Variants in FARP2 observed in about 807,000 individuals in gnomAD.
FARP2 encodes the protein FERM, ARHGEF and pleckstrin domain-containing protein 2.
In FARP2, 111 loss-of-function variants were observed where a neutral mutation model predicts 130.5. That is an observed-to-expected ratio of 0.85 (90% confidence interval 0.73 to 1.00). The LOEUF (loss-of-function observed/expected upper bound fraction) is 1.00, where lower values mean the gene tolerates loss of function less well. Ranked by LOEUF, FARP2 falls within the 50% of genes least tolerant of loss-of-function variation. FARP2 has a pLI of 0.00. For synonymous variants in FARP2, 504 were observed against 516.9 expected (o/e 0.98, Z 0.34); for missense variants, 1,385 against 1,346.3 (o/e 1.03, Z -0.45).
chr2:241,473,824 A>T (rs2064379571), intron 18 of FARP2, among the ~76,000 whole-genome samples: 1 of 152,218 alleles, frequency 6.6e-6, no homozygotes, highest in Non-Finnish European at 1.5e-5. Flanking sequence ...TAGGGTTGGT[A>T]GCTGCCAAGA....
chr2:241,479,624 T>C (rs2064564688), intron 19 of FARP2, among the ~76,000 whole-genome samples: 1 of 152,254 alleles, frequency 6.6e-6, no homozygotes, highest in South Asian at 2.1e-4. Context: ...CGAGAGAACT[T>C]TGTACCCCTT....
chr2:241,396,361 G>T (rs1236222325), intron 2 of FARP2, among the ~76,000 whole-genome samples: 1 of 151,982 alleles, frequency 6.6e-6, no homozygotes, highest in Admixed American at 6.6e-5. Context: ...AAGAGCTTCT[G>T]CACAGCAAAA....
At chr2:241,385,956 C>T (rs1181343398) in intron 2 of FARP2, among the ~76,000 whole-genome samples, 24 of 152,068 alleles carry the variant, frequency 1.6e-4, no homozygotes, top group Admixed American at 1.5e-3. Flanking sequence ...CTCTCTTTAC[C>T]TCCTGTAATT....
chr2:241,465,145 T>C (rs896033762), intron 17 of FARP2, among the ~76,000 whole-genome samples: 1 of 152,134 alleles, frequency 6.6e-6, no homozygotes, highest in South Asian at 2.1e-4. Context: ...AGCATTCCCT[T>C]GAGGACAGTG....
chr2:241,476,672 T>G (rs1317299800), intron 19 of FARP2, among the ~76,000 whole-genome samples: 38 of 152,058 alleles, frequency 2.5e-4, no homozygotes, highest in Admixed American at 2.4e-3. Context: ...CTGGGTAACA[T>G]GAGCGAAACT....
At chr2:241,363,775 C>T (rs555769493) in intron 1 of FARP2, among the ~76,000 whole-genome samples, 1 of 152,348 alleles carries the variant, frequency 6.6e-6, no homozygotes, top group South Asian at 2.1e-4. Flanking sequence ...CCAGCCAGGC[C>T]AGTGCCTGCT....
At chr2:241,492,703 G>A in intron 24 of FARP2, 1 of 516,002 alleles carries the variant, frequency 1.9e-6, no homozygotes, top group Non-Finnish European at 3.5e-6. Flanking sequence ...TTGTGCACAG[G>A]GAAAGGGAAC....
intron 2 of FARP2, among the ~76,000 whole-genome samples, chr2:241,380,510 A>T (rs1455958566): frequency 6.6e-6 from 1 of 152,118 alleles, no homozygotes; most frequent in Non-Finnish European, 1.5e-5. Flanking sequence ...GGATCAGAAG[A>T]GTTTCAGATT....
intron 2 of FARP2, among the ~76,000 whole-genome samples, chr2:241,381,059 C>G (rs1037052039): frequency 6.6e-6 from 1 of 152,130 alleles, no homozygotes; most frequent in Non-Finnish European, 1.5e-5. Flanking sequence ...AGATTACATT[C>G]TCTTTCCCAA....
intron 5 of FARP2, among the ~76,000 whole-genome samples, chr2:241,408,389 G>T (rs915669234): frequency 6.6e-6 from 1 of 150,816 alleles, no homozygotes; most frequent in African/African-American, 2.4e-5. Context: ...AAAAAGAAAA[G>T]AAAATTATCC....
chr2:241,402,839 TATATATATATATATA>T (rs1559734751), intron 2 of FARP2, among the ~76,000 whole-genome samples: 333 of 30,808 alleles, frequency 0.011, 26 homozygotes, highest in African/African-American at 0.018. Context: ...AGCTAATTTA[TATATATATATATATA>T]TATATATATA....
intron 14 of FARP2, among the ~76,000 whole-genome samples, chr2:241,460,077 A>G (rs542182864): frequency 6.6e-6 from 1 of 152,248 alleles, no homozygotes; most frequent in South Asian, 2.1e-4. Context: ...TGCCACGGTG[A>G]CTGTGGCTAG....
At chr2:241,483,764 T>C (rs1050520033) in intron 20 of FARP2, 28 of 981,666 alleles carry the variant, frequency 2.9e-5, no homozygotes, top group Non-Finnish European at 3.1e-5. Context: ...TCCTTCTTCA[T>C]TCCAGGTTCT....
At chr2:241,466,307 A>C (rs1574882198) in intron 17 of FARP2, 1 of 985,314 alleles carries the variant, frequency 1.0e-6, no homozygotes, top group African/African-American at 1.7e-5. Flanking sequence ...TCTTGGAAAG[A>C]GGGGCCCTTG....
intron 2 of FARP2, among the ~76,000 whole-genome samples, chr2:241,398,196 G>T (rs935140416): frequency 6.6e-6 from 1 of 152,026 alleles, no homozygotes; most frequent in African/African-American, 2.4e-5. Flanking sequence ...TGTGTCTTAT[G>T]TGTGCAGCTT....
At chr2:241,356,532 GA>G (rs1559694702) in intron 1 of FARP2, 144 bp downstream of exon 1, 1 of 152,330 alleles carries the variant, frequency 6.6e-6, no homozygotes, top group African/African-American at 2.4e-5. Flanking sequence ...CCCGGCCTCT[GA>G]AGGCCATCGT....
rs113542172 is a variant in FARP2 at position 241,410,974 on chromosome 2, A to G, written c.411-59A>G. 10,878 of 1,164,250 alleles carry G rather than the reference A, an allele frequency of 9.3e-3. 98 individuals are homozygous for G. The highest frequency in any genetic ancestry group is 0.042 in the African/African-American group (2,750 of 66,060). The allele number at this position is 1,164,250 out of a possible 1,614,324, so 72.1% of individuals were successfully genotyped here. On this transcript the variant is annotated intron_variant, in intron 5 of 26. Coordinates refer to ENST00000264042, the MANE Select transcript of FARP2 (RefSeq NM_014808.4). ...GCTGTCTTGCTGTGGAGACATGTCT[A>G]TGTTACATTCAGAGAACATTTGGAA... is the stretch of plus-strand genomic sequence containing the variant.
intron 2 of FARP2, among the ~76,000 whole-genome samples, chr2:241,403,051 A>G (rs1395189263): frequency 6.7e-6 from 1 of 148,546 alleles, no homozygotes; most frequent in East Asian, 2.0e-4. Context: ...CCTTAATGGG[A>G]GAGTCCGTTG....
intron 9 of FARP2, among the ~76,000 whole-genome samples, 194 bp downstream of exon 9, chr2:241,431,968 T>C (rs947689947): frequency 3.9e-5 from 6 of 152,018 alleles, no homozygotes; most frequent in Non-Finnish European, 8.8e-5. Flanking sequence ...ATTACAGGCA[T>C]GCGCCACCAC....
Sources: gnomAD v4.1 joint callset for allele counts (sites outside exome capture counted in the v4.1 genomes callset) on GRCh38, gnomAD v4.1.1 for gene constraint, MANE v1.5 for transcripts, NCBI Gene and HGNC (gene_info 2026-07-23, HGNC 2026-07-21) for gene names.